POU3F3: variants seen among roughly 807,000 people sequenced by gnomAD.
POU3F3 encodes the protein POU class 3 homeobox 3.
Under a neutral mutation model 8.6 loss-of-function variants are expected in POU3F3, and 1 was observed. The observed-to-expected ratio is 0.12, with a 90% CI of 0.04 to 0.55. The LOEUF (loss-of-function observed/expected upper bound fraction) is 0.55. Ranked by LOEUF, POU3F3 falls within the 20% of genes least tolerant of loss-of-function variation. The pLI is 0.91. For synonymous variants in POU3F3, 418 were observed against 327.4 expected, an observed-to-expected ratio of 1.28 and a Z score of -2.99; for missense variants, 577 against 690.7, an observed-to-expected ratio of 0.84 and a Z score of 1.84.
downstream of POU3F3, among the ~76,000 whole-genome samples, chr2:104,859,878 A>G (rs1676634776): frequency 6.6e-6 from 1 of 151,930 alleles, no homozygotes; most frequent in African/African-American, 2.4e-5. Flanking sequence ...CAGCAAATTT[A>G]CAACCTGGAG....
the POU3F3 span, among the ~76,000 whole-genome samples, chr2:104,924,893 G>C: frequency 7.2e-5 from 11 of 152,272 alleles, no homozygotes; most frequent in East Asian, 1.9e-4. Context: ...TGTGAATCTA[G>C]GGTATTATGA....
the POU3F3 span, among the ~76,000 whole-genome samples, chr2:104,927,532 A>G: frequency 6.6e-6 from 1 of 152,068 alleles, no homozygotes; most frequent in Non-Finnish European, 1.5e-5. Context: ...AGGCATTAGA[A>G]TTGCTTGAGC....
chr2:104,894,942 A>G, the POU3F3 span, among the ~76,000 whole-genome samples: 1 of 152,000 alleles, frequency 6.6e-6, no homozygotes, highest in Non-Finnish European at 1.5e-5. Flanking sequence ...GCATGTGCTC[A>G]TCTTTTCCTT....
chr2:104,905,761 T>C, the POU3F3 span, among the ~76,000 whole-genome samples: 4 of 152,324 alleles, frequency 2.6e-5, no homozygotes, highest in Non-Finnish European at 5.9e-5. Context: ...CCTCTGTGAG[T>C]GCCTGTGTCC....
At chr2:104,912,197 G>A in the POU3F3 span, among the ~76,000 whole-genome samples, 1 of 152,164 alleles carries the variant, frequency 6.6e-6, no homozygotes. Flanking sequence ...CGTGCTGGTC[G>A]GGCAAGCATC....
chr2:104,856,312 G>T lies in POU3F3; in HGVS notation c.802G>T (p.Ala268Ser). Residue 268 changes from alanine (A) to serine (S), a missense_variant, in exon 1 of 1, where the codon GCC (alanine) becomes TCC (serine). By Grantham distance (99) the Ala-to-Ser change is moderately conservative. Coordinates refer to ENST00000361360, the MANE Select transcript of POU3F3 (RefSeq NM_006236.3). Reference protein sequence around the residue: ...GLVRGDTPELAEHHHHHHHHA... With the variant: ...GLVRGDTPELSEHHHHHHHHA... ...GGTGCGCGGGGACACGCCAGAGCTG[G>T]CCGAGCACCACCACCACCACCACCA... 1 of 1,504,850 alleles carries T rather than the reference G, an allele frequency of 6.6e-7. No individual in the cohort carries two copies. The highest frequency in any genetic ancestry group is 8.8e-7 in the Non-Finnish European group (1 of 1,133,290). The allele number at this position is 1,504,850 out of a possible 1,614,324, so 93.2% of individuals were successfully genotyped here.
chr2:104,896,982 A>C, the POU3F3 span, among the ~76,000 whole-genome samples: 4 of 152,204 alleles, frequency 2.6e-5, no homozygotes, highest in African/African-American at 9.7e-5. Context: ...GCAGTCCTAC[A>C]CTGGCATTGC....
the POU3F3 span, chr2:104,866,294 A>C: frequency 6.6e-6 from 1 of 152,160 alleles, no homozygotes; most frequent in Non-Finnish European, 1.5e-5. Context: ...TTCGGTGAGG[A>C]GGGGCGGCCG....
the POU3F3 span, among the ~76,000 whole-genome samples, chr2:104,912,767 G>A: frequency 3.9e-3 from 600 of 152,290 alleles, 6 homozygotes; most frequent in South Asian, 0.015. Flanking sequence ...GTGAGCACAC[G>A]CAGCAGTGAG....
chr2:104,871,751 G>A, the POU3F3 span, among the ~76,000 whole-genome samples: 1 of 152,092 alleles, frequency 6.6e-6, no homozygotes, highest in South Asian at 2.1e-4. Flanking sequence ...GTACCTAGGA[G>A]GTGTGTGTGT....
At chr2:104,922,079 C>T in the POU3F3 span, among the ~76,000 whole-genome samples, 1 of 152,088 alleles carries the variant, frequency 6.6e-6, no homozygotes, top group African/African-American at 2.4e-5. Flanking sequence ...TTTAAAAATA[C>T]CTGAAAAGAC....
chr2:104,867,338 G>A, the POU3F3 span: 1 of 152,394 alleles, frequency 6.6e-6, no homozygotes, highest in African/African-American at 2.4e-5. The surrounding 1 kb of genome is among the most constrained non-coding windows in gnomAD (Gnocchi z 5.0). Context: ...AGGGAACCGA[G>A]GGGCCCGGGA....
At chr2:104,873,584 A>G in the POU3F3 span, among the ~76,000 whole-genome samples, 889 of 152,300 alleles carry the variant, frequency 5.8e-3, 10 homozygotes, top group African/African-American at 0.02. Context: ...GTTCCGGGCC[A>G]GGAGCACTTT....
At chr2:104,892,117 A>G in the POU3F3 span, among the ~76,000 whole-genome samples, 10 of 152,174 alleles carry the variant, frequency 6.6e-5, no homozygotes, top group African/African-American at 2.4e-4. Flanking sequence ...CCTGAGCAGG[A>G]TGCCCTGAGC....
chr2:104,879,728 C>G, the POU3F3 span, among the ~76,000 whole-genome samples: 3 of 152,092 alleles, frequency 2.0e-5, no homozygotes, highest in Admixed American at 1.3e-4. Flanking sequence ...GTTTCAGGAG[C>G]AGATCTCCTG....
At chr2:104,899,467 A>G in the POU3F3 span, among the ~76,000 whole-genome samples, 3 of 152,176 alleles carry the variant, frequency 2.0e-5, no homozygotes, top group Non-Finnish European at 4.4e-5. Flanking sequence ...TATAGAATTT[A>G]TCTATATGTG....
chr2:104,876,520 T>C, the POU3F3 span, among the ~76,000 whole-genome samples: 1 of 152,254 alleles, frequency 6.6e-6, no homozygotes, highest in Non-Finnish European at 1.5e-5. Flanking sequence ...TTAGGATTTA[T>C]GTGTAGTGTA....
At chr2:104,921,255 G>T in the POU3F3 span, among the ~76,000 whole-genome samples, 1 of 152,276 alleles carries the variant, frequency 6.6e-6, no homozygotes, top group African/African-American at 2.4e-5. Flanking sequence ...GGATGCTCAT[G>T]TGCATGAAGG....
At chr2:104,890,302 T>A in the POU3F3 span, among the ~76,000 whole-genome samples, 34 of 152,204 alleles carry the variant, frequency 2.2e-4, no homozygotes, top group East Asian at 6.4e-3. Context: ...TGCTGAATTG[T>A]TTTTCCTTTT....
Sources: gnomAD v4.1 joint callset for allele counts (sites outside exome capture counted in the v4.1 genomes callset) on GRCh38, gnomAD v4.1.1 for gene constraint, Gnocchi (gnomAD v3.1) non-coding constraint, MANE v1.5 for transcripts, NCBI Gene and HGNC (gene_info 2026-07-23, HGNC 2026-07-21) for gene names.